THRB: variants seen among roughly 807,000 people sequenced by gnomAD.
The protein encoded by THRB is nuclear receptor subfamily 1 group A member 2.
In THRB, 12 loss-of-function variants were observed where a neutral mutation model predicts 47.8. The observed-to-expected ratio is 0.25, with a 90% confidence interval of 0.16 to 0.41. The LOEUF is 0.41. THRB is among the 10% of genes least tolerant of loss of function. The probability of loss-of-function intolerance (pLI) is 1.00; values close to 1 mark genes in which losing one functional copy is unlikely to be tolerated. For missense variants in THRB, 348 were observed against 589.2 expected (o/e 0.59, Z 4.24); for synonymous variants, 218 against 212.2 (o/e 1.03, Z -0.24).
intron 3 of THRB, among the ~76,000 whole-genome samples, chr3:24,276,710 G>A (rs924155861): frequency 1.3e-5 from 2 of 152,190 alleles, no homozygotes; most frequent in African/African-American, 2.4e-5. Flanking sequence ...CTGTAGAAGG[G>A]AGGAGGCAAC....
At chr3:24,325,100 T>G (rs1055036035) in intron 2 of THRB, among the ~76,000 whole-genome samples, 1 of 152,186 alleles carries the variant, frequency 6.6e-6, no homozygotes, top group Admixed American at 6.5e-5. Context: ...TTACAGACAA[T>G]AAGAAGAAGC....
At chr3:24,343,276 G>A (rs1166041004) in intron 1 of THRB, among the ~76,000 whole-genome samples, 1 of 152,138 alleles carries the variant, frequency 6.6e-6, no homozygotes, top group East Asian at 1.9e-4. Context: ...TGGAGTCTAT[G>A]ACCTCTGACC....
intron 9 of THRB, 86 bp downstream of exon 9, chr3:24,133,230 A>G: frequency 1.3e-6 from 2 of 1,482,526 alleles, no homozygotes; most frequent in Non-Finnish European, 1.9e-6. Flanking sequence ...ACTAATTAAC[A>G]TTAAATTGTA....
intron 1 of THRB, among the ~76,000 whole-genome samples, chr3:24,488,969 C>A (rs891361018): frequency 6.6e-6 from 1 of 152,070 alleles, no homozygotes; most frequent in Non-Finnish European, 1.5e-5. Flanking sequence ...ATAAAATCAA[C>A]TGAATGATTT....
At chr3:24,308,360 A>G (rs2057510200) in intron 2 of THRB, among the ~76,000 whole-genome samples, 1 of 152,224 alleles carries the variant, frequency 6.6e-6, no homozygotes, top group Admixed American at 6.5e-5. Flanking sequence ...AGGCTTAACA[A>G]TACAAGGTTA....
chr3:24,453,328 G>A (rs1250231183), intron 1 of THRB, among the ~76,000 whole-genome samples: 1 of 152,106 alleles, frequency 6.6e-6, no homozygotes, highest in Non-Finnish European at 1.5e-5. Flanking sequence ...ATTTAACGGT[G>A]GCATAGGAAA....
intron 1 of THRB, among the ~76,000 whole-genome samples, chr3:24,466,987 G>T (rs1002481738): frequency 6.6e-6 from 1 of 152,162 alleles, no homozygotes; most frequent in African/African-American, 2.4e-5. Flanking sequence ...CTGTTTGATA[G>T]AATTTTGCCC....
chr3:24,266,631 A>G (rs1300704370), intron 3 of THRB, among the ~76,000 whole-genome samples: 6 of 152,136 alleles, frequency 3.9e-5, no homozygotes, highest in Non-Finnish European at 5.9e-5. Flanking sequence ...TAGCACATCG[A>G]ATGGGATTTA....
intron 4 of THRB, among the ~76,000 whole-genome samples, chr3:24,213,695 T>C (rs2046286965): frequency 6.6e-6 from 1 of 152,106 alleles, no homozygotes; most frequent in African/African-American, 2.4e-5. Context: ...TTTAAAAAAT[T>C]AATGGGTAAT....
At chr3:24,190,475 T>G in intron 4 of THRB, 141 bp from the exon 5 acceptor site, 2 of 1,107,524 alleles carry the variant, frequency 1.8e-6, no homozygotes, top group Non-Finnish European at 2.7e-6. Context: ...AGTGATAAGA[T>G]GCAGAATTTG....
intron 1 of THRB, among the ~76,000 whole-genome samples, chr3:24,423,068 C>T (rs1238787874): frequency 6.6e-6 from 1 of 151,800 alleles, no homozygotes; most frequent in Admixed American, 6.6e-5. Context: ...CGCAGTGGGC[C>T]ACATGAGAAG....
At chr3:24,292,869 A>G (rs77444966) in intron 3 of THRB, among the ~76,000 whole-genome samples, 1,833 of 152,326 alleles carry the variant, frequency 0.012, 34 homozygotes, top group African/African-American at 0.042. Context: ...GACTATACAA[A>G]ACATTGGGGT....
chr3:24,413,620 A>G (rs527308948), intron 1 of THRB, among the ~76,000 whole-genome samples: 1 of 151,540 alleles, frequency 6.6e-6, no homozygotes, highest in South Asian at 2.1e-4. Flanking sequence ...CACAACGTGC[A>G]GGTTTGTTAC....
chr3:24,150,921 T>C (rs1344373622), intron 6 of THRB, among the ~76,000 whole-genome samples: 1 of 152,214 alleles, frequency 6.6e-6, no homozygotes, highest in Non-Finnish European at 1.5e-5. Context: ...TAAAGTTATG[T>C]AGTTTTATTA....
intron 1 of THRB, among the ~76,000 whole-genome samples, chr3:24,471,952 A>G (rs1694766521): frequency 6.6e-6 from 1 of 152,190 alleles, no homozygotes; most frequent in Admixed American, 6.5e-5. Context: ...AACCAGAAGA[A>G]TATGGCCTGG....
chr3:24,452,519 G>A (rs977872377), intron 1 of THRB, among the ~76,000 whole-genome samples: 1 of 152,150 alleles, frequency 6.6e-6, no homozygotes, highest in Non-Finnish European at 1.5e-5. Context: ...TGTGCCAGAT[G>A]TACATTCCTT....
chr3:24,249,352 C>A (rs1403953266), intron 3 of THRB, among the ~76,000 whole-genome samples: 1 of 152,130 alleles, frequency 6.6e-6, no homozygotes, highest in Non-Finnish European at 1.5e-5. Context: ...TTGGCATATT[C>A]TTTCTGATCT....
chr3:24,200,839 T>A (rs1354619535), intron 4 of THRB, among the ~76,000 whole-genome samples: 7 of 152,228 alleles, frequency 4.6e-5, no homozygotes, highest in African/African-American at 1.4e-4. Flanking sequence ...TTTACACTGG[T>A]GAGATCTCCT....
intron 2 of THRB, among the ~76,000 whole-genome samples, chr3:24,307,078 T>C (rs967379914): frequency 2.0e-5 from 3 of 151,840 alleles, no homozygotes; most frequent in Non-Finnish European, 4.4e-5. Context: ...ATATTAATGT[T>C]ACTTTCTTAC....
Sources: gnomAD v4.1 joint callset for allele counts (sites outside exome capture counted in the v4.1 genomes callset) on GRCh38, gnomAD v4.1.1 for gene constraint, MANE v1.5 for transcripts, NCBI Gene and HGNC (gene_info 2026-07-23, HGNC 2026-07-21) for gene names.